COG5: variants seen among roughly 807,000 people sequenced by gnomAD.
The protein encoded by COG5 is conserved oligomeric Golgi complex subunit 5.
A neutral mutation model predicts 110.4 loss-of-function variants in COG5; 86 were observed. That is an observed-to-expected ratio of 0.78 (90% confidence interval 0.65 to 0.93). The LOEUF (loss-of-function observed/expected upper bound fraction) is 0.93. COG5 is among the 40% of genes least tolerant of loss of function. COG5 has a pLI of 0.00. For missense variants in COG5, 1,077 were observed against 987.0 expected (o/e 1.09, Z -1.22); for synonymous variants, 360 against 334.6 (o/e 1.08, Z -0.83).
chr7:107,352,505 A>G (rs1028280056), intron 10 of COG5, among the ~76,000 whole-genome samples: 2 of 136,180 alleles, frequency 1.5e-5, no homozygotes, highest in African/African-American at 2.7e-5. Context: ...AGGTAATTGT[A>G]AAAAAAAAAC....
Position 107,362,044 on chromosome 7 carries a change from C to A in COG5, c.1015G>T (p.Glu339Ter), listed in dbSNP as rs1449966934. The change falls in exon 10 of 22, where the codon GAA becomes TAA. Residue 339 changes from glutamate to a stop codon, truncating the protein, a stop_gained. Transcript: ENST00000297135. LOFTEE classifies it high-confidence loss of function. ...TCCTTTAAACATACCTTAACTATTT[C>A]TTCAATGAAACAAATGTGAGAAACA... ...DPVSHICFIE[E>*]IVKDGQPEIF... is the part of the protein sequence containing the mutation. 5 of 1,600,736 alleles carry A rather than the reference C, an allele frequency of 3.1e-6. No individual in the cohort carries two copies. Among genetic ancestry groups the A allele is most frequent in the Admixed American group, 1.7e-5 (1 of 59,692 alleles).
chr7:107,527,297 C>T lies in COG5; in HGVS notation c.478G>A (p.Gly160Arg), dbSNP rs1433458236. The T allele has an allele frequency of 4.3e-6, 7 of 1,612,662 alleles. No homozygotes were observed. Among genetic ancestry groups the T allele is most frequent in the Non-Finnish European group, 5.9e-6 (7 of 1,179,496 alleles). ...RILNLSKRLQ[G>R]QLQGGSREIT... ...TCTCTACTTCCCCCTTGCAGTTGTC[C>T]TTGGAGTCTCTTACTGAGATTCAAG... The change falls in exon 6 of 22, where the codon GGA becomes AGA. Residue 160 changes from glycine to arginine, a missense_variant. Gly to Arg is a moderately radical substitution (Grantham distance 125, BLOSUM62 -2). Coordinates refer to ENST00000297135, the MANE Select transcript of COG5 (RefSeq NM_006348.5).
intron 6 of COG5, among the ~76,000 whole-genome samples, chr7:107,483,409 A>C (rs557177964): frequency 3.5e-4 from 54 of 152,160 alleles, no homozygotes; most frequent in Non-Finnish European, 6.0e-4. Flanking sequence ...ATACAACTTA[A>C]AGACACAAAG....
In COG5 at chr7:107,411,979, C is replaced by A. The variant is rs112306507; in HGVS notation, c.669+523G>T. ...AAAATTAAGCATCAGGAAAATGATA[C>A]CTTAGGAGAAATGTCAAGTCAAAAA... On this transcript the variant is annotated intron_variant, in intron 7 of 21. Coordinates refer to ENST00000297135, the MANE Select transcript of COG5 (RefSeq NM_006348.5). Among the ~76,000 whole-genome samples the A allele has an allele frequency of 7.2e-5, 11 of 151,978 alleles. 3 individuals carry two copies. The highest frequency in any genetic ancestry group is 2.7e-4 in the African/African-American group (11 of 41,480).
intron 6 of COG5, among the ~76,000 whole-genome samples, chr7:107,438,289 G>C (rs1228053415): frequency 6.6e-6 from 1 of 152,148 alleles, no homozygotes; most frequent in African/African-American, 2.4e-5. Flanking sequence ...AGTCTTACCA[G>C]CTCAGAGGCA....
chr7:107,368,961 G>A (rs1291244263), intron 8 of COG5, among the ~76,000 whole-genome samples: 2 of 152,060 alleles, frequency 1.3e-5, no homozygotes, highest in Non-Finnish European at 2.9e-5. Context: ...TAATGGTATC[G>A]GGTTTTGTAG....
chr7:107,435,582 G>C (rs1012354621), intron 6 of COG5, among the ~76,000 whole-genome samples: 2 of 152,104 alleles, frequency 1.3e-5, no homozygotes, highest in Admixed American at 1.3e-4. Flanking sequence ...GAACCCAGGA[G>C]GCAAGGGTTG....
chr7:107,246,252 T>A (rs1802048907), intron 17 of COG5, among the ~76,000 whole-genome samples: 3 of 151,952 alleles, frequency 2.0e-5, no homozygotes, highest in Non-Finnish European at 2.9e-5. Context: ...AACCCAAAAC[T>A]ATAAAACCCT....
At chr7:107,288,935 TA>T in intron 12 of COG5, among the ~76,000 whole-genome samples, 1 of 115,558 alleles carries the variant, frequency 8.7e-6, no homozygotes. Context: ...TATATATATA[TA>T]TATATATATA....
intron 6 of COG5, among the ~76,000 whole-genome samples, chr7:107,433,200 T>C (rs1345996753): frequency 6.6e-6 from 1 of 152,046 alleles, no homozygotes; most frequent in Non-Finnish European, 1.5e-5. Context: ...ACAACACAAA[T>C]AAATGGAAGA....
At position 107,415,895 on chromosome 7, in the gene COG5, C is replaced by T. The variant is rs1429184854; in HGVS notation, c.539-3263G>A. ...ATGTATGTGTGTGTATATACACACA[C>T]ATACACGTATGTATGTATGTGTGTG... On this transcript the variant is annotated intron_variant, in intron 6 of 21. Transcript: ENST00000297135. Among the ~76,000 whole-genome samples the T allele has an allele frequency of 3.4e-5, 4 of 119,272 alleles. 1 individual carries two copies. The highest frequency in any genetic ancestry group is 7.3e-5 in the Non-Finnish European group (4 of 54,736). 78.2% of individuals were successfully genotyped at this position (119,272 alleles called of 152,430 possible).
rs1798389926 is a variant in COG5 at position 107,202,294 on chromosome 7, T to TGCTG, written c.*1221_*1222insCAGC. On this transcript the variant is annotated 3_prime_UTR_variant, in exon 22 of 22. Transcript: ENST00000297135. ...CTGCAGTGCAACACTTGCACTTTAA[T>TGCTG]TTTCCTCCAACTGTCTAAAATTAGA... 2.0e-5 allele frequency: 3 copies of TGCTG among 152,656 alleles called. No homozygotes were observed. The highest frequency in any genetic ancestry group is 4.4e-5 in the Non-Finnish European group (3 of 68,038). The allele number at this position is 152,656 out of a possible 1,614,324, so 9.5% of individuals were successfully genotyped here. A position where few individuals can be genotyped will look rare whatever the true frequency, so the allele number is the denominator to read the frequency against.
intron 6 of COG5, among the ~76,000 whole-genome samples, chr7:107,428,493 C>A (rs1174112776): frequency 6.6e-6 from 1 of 152,050 alleles, no homozygotes; most frequent in African/African-American, 2.4e-5. Flanking sequence ...ACAAGAATGA[C>A]CACAATCACC....
intron 10 of COG5, among the ~76,000 whole-genome samples, chr7:107,330,771 T>A (rs1236440132): frequency 6.6e-5 from 10 of 152,170 alleles, no homozygotes; most frequent in Non-Finnish European, 1.5e-4. Context: ...GAAATAATAT[T>A]TTCATGGGAT....
At chr7:107,362,472 T>G (rs757422234) in intron 8 of COG5, 52 bp from the exon 9 acceptor site, 1 of 913,150 alleles carries the variant, frequency 1.1e-6, no homozygotes, top group East Asian at 2.8e-5. Context: ...CAAAGGCAAA[T>G]ATATATATAT....
At chr7:107,329,722 C>G (rs535081958) in intron 10 of COG5, among the ~76,000 whole-genome samples, 20 of 151,370 alleles carry the variant, frequency 1.3e-4, no homozygotes, top group Admixed American at 1.1e-3. Flanking sequence ...AGACCCCCCC[C>G]GTTTCTACAC....
At chr7:107,232,087 G>A (rs17153965) in intron 18 of COG5, among the ~76,000 whole-genome samples, 5,213 of 152,232 alleles carry the variant, frequency 0.034, 317 homozygotes, top group African/African-American at 0.12. Flanking sequence ...TAAAGACATG[G>A]ATTGCATACT....
chr7:107,439,718 T>A (rs941578725), intron 6 of COG5, among the ~76,000 whole-genome samples: 1 of 152,178 alleles, frequency 6.6e-6, no homozygotes, highest in African/African-American at 2.4e-5. Context: ...AAGTAGACTA[T>A]CATGTCATCT....
chr7:107,375,484 A>G (rs986760577), intron 7 of COG5, among the ~76,000 whole-genome samples: 6 of 152,052 alleles, frequency 3.9e-5, no homozygotes, highest in Non-Finnish European at 8.8e-5. Context: ...GATATATGAA[A>G]ACTGTGGATG....
Sources: allele counts gnomAD v4.1 joint callset (sites outside exome capture counted in the v4.1 genomes callset), GRCh38; gene constraint gnomAD v4.1.1; transcripts MANE v1.5; gene names NCBI Gene and HGNC (gene_info 2026-07-23, HGNC 2026-07-21).